Variants in SLC12A8 observed in about 807,000 individuals in gnomAD.
The protein encoded by SLC12A8 is solute carrier family 12 member 8, also known as cation-chloride cotransporter 9.
In SLC12A8, 69 loss-of-function variants were observed where a neutral mutation model predicts 75.6. That is an observed-to-expected ratio of 0.91 (90% CI 0.75 to 1.11). SLC12A8 has a LOEUF of 1.11. Among genes scored for constraint, SLC12A8 ranks in the 50% most tolerant of loss-of-function variants. The pLI is 0.00. For synonymous variants in SLC12A8, 365 were observed against 372.8 expected, an observed-to-expected ratio of 0.98 and a Z score of 0.24; for missense variants, 877 against 896.7, an observed-to-expected ratio of 0.98 and a Z score of 0.28.
intron 4 of SLC12A8, among the ~76,000 whole-genome samples, chr3:125,181,431 C>T (rs1304263727): frequency 1.3e-5 from 2 of 149,180 alleles, no homozygotes; most frequent in Non-Finnish European, 3.0e-5. Flanking sequence ...GAAACCCCGT[C>T]TCTACTAAAA....
At chr3:125,163,295 G>C (rs1934214244) in intron 5 of SLC12A8, among the ~76,000 whole-genome samples, 1 of 151,142 alleles carries the variant, frequency 6.6e-6, no homozygotes, top group South Asian at 2.1e-4. Flanking sequence ...GCAAGACCCT[G>C]TCTCAAAAAC....
chr3:125,147,537 G>C (rs1287870996), intron 5 of SLC12A8, among the ~76,000 whole-genome samples: 1 of 108,538 alleles, frequency 9.2e-6, no homozygotes, highest in East Asian at 4.7e-4. Flanking sequence ...GAATCCTCAA[G>C]GTCAGAGACA....
Position 125,110,206 on chromosome 3 carries a change from C to G in SLC12A8, c.1042G>C (p.Ala348Pro), listed in dbSNP as rs745900612. 9.3e-6 allele frequency: 15 copies of G among 1,613,278 alleles called. No individual in the cohort carries two copies. Among genetic ancestry groups the G allele is most frequent in the Non-Finnish European group, 1.3e-5 (15 of 1,179,538 alleles). ...TTACTCACCCCTTGTCCCAGACAGG[C>G]AAGTGCAGGGATCACTTTCTCCTGG... ...IAQEKVIPAL[A>P]CLGQGKGPNK... is the part of the protein sequence containing the mutation. Residue 348 changes from alanine (A) to proline (P), a missense_variant, in exon 9 of 14, where the codon GCC (alanine) becomes CCC (proline). By Grantham distance (27) the Ala-to-Pro change is conservative. Coordinates refer to ENST00000469902, the MANE Select transcript of SLC12A8 (RefSeq NM_024628.6).
At chr3:125,173,472 A>AC (rs1188327164) in intron 5 of SLC12A8, among the ~76,000 whole-genome samples, 1 of 151,414 alleles carries the variant, frequency 6.6e-6, no homozygotes, top group Admixed American at 6.6e-5. Context: ...AAAAAAAAAA[A>AC]AAACCAAAAT....
chr3:125,135,562 T>G (rs1204974822), intron 6 of SLC12A8, 107 bp downstream of exon 6: 4 of 583,086 alleles, frequency 6.9e-6, no homozygotes, highest in Non-Finnish European at 1.2e-5. Flanking sequence ...TATCTAAAGT[T>G]GGATATACAT....
intron 5 of SLC12A8, among the ~76,000 whole-genome samples, chr3:125,150,286 A>T (rs1933887230): frequency 6.6e-6 from 1 of 152,128 alleles, no homozygotes; most frequent in Non-Finnish European, 1.5e-5. Flanking sequence ...GGGCCTAAGC[A>T]CCTTCTCCTG....
intron 2 of SLC12A8, among the ~76,000 whole-genome samples, chr3:125,192,231 C>T (rs1450068922): frequency 6.6e-6 from 1 of 152,100 alleles, no homozygotes; most frequent in Non-Finnish European, 1.5e-5. Flanking sequence ...GAGCTCTCTG[C>T]TCTGCTCCTC....
At chr3:125,133,896 A>C (rs1933424054) in intron 6 of SLC12A8, among the ~76,000 whole-genome samples, 1 of 151,924 alleles carries the variant, frequency 6.6e-6, no homozygotes, top group Admixed American at 6.6e-5. Flanking sequence ...TCATCCCCCC[A>C]AAGTTTCCTT....
intron 13 of SLC12A8, 37 bp from the exon 14 acceptor site, chr3:125,084,089 C>A: frequency 1.3e-6 from 2 of 1,580,490 alleles, no homozygotes; most frequent in Non-Finnish European, 1.7e-6. Context: ...GTGAGAAGGA[C>A]AGAACAGAGA....
At chr3:125,134,193 C>T (rs1933433334) in intron 6 of SLC12A8, among the ~76,000 whole-genome samples, 1 of 152,046 alleles carries the variant, frequency 6.6e-6, no homozygotes, top group African/African-American at 2.4e-5. Context: ...CCTCTGCCTC[C>T]CAGGTTCAAG....
At chr3:125,159,339 TC>T (rs1934113988) in intron 5 of SLC12A8, among the ~76,000 whole-genome samples, 1 of 151,886 alleles carries the variant, frequency 6.6e-6, no homozygotes, top group Non-Finnish European at 1.5e-5. Context: ...CAAGCAATCC[TC>T]CCCCCTTGGT....
intron 6 of SLC12A8, among the ~76,000 whole-genome samples, chr3:125,122,673 C>T (rs1037341161): frequency 6.6e-6 from 1 of 152,212 alleles, no homozygotes; most frequent in Non-Finnish European, 1.5e-5. Context: ...CAAGAATCAA[C>T]AGCACTCACA....
intron 13 of SLC12A8, chr3:125,087,974 G>T (rs1938501498): frequency 8.2e-6 from 2 of 244,856 alleles, no homozygotes; most frequent in Non-Finnish European, 1.6e-5. Flanking sequence ...GTGTGATTAT[G>T]CATTGATGTG....
intron 6 of SLC12A8, among the ~76,000 whole-genome samples, chr3:125,131,897 C>T (rs755130075): frequency 6.6e-6 from 1 of 152,114 alleles, no homozygotes; most frequent in Non-Finnish European, 1.5e-5. Flanking sequence ...GAACCCCCAC[C>T]CCGCCAACTC....
chr3:125,153,860 G>A (rs1933989313), intron 5 of SLC12A8, among the ~76,000 whole-genome samples: 1 of 152,138 alleles, frequency 6.6e-6, no homozygotes, highest in Non-Finnish European at 1.5e-5. Context: ...GCTATTATTG[G>A]CCTTGAGCTC....
chr3:125,168,821 T>C (rs1934346603), intron 5 of SLC12A8, among the ~76,000 whole-genome samples: 1 of 152,190 alleles, frequency 6.6e-6, no homozygotes, highest in Non-Finnish European at 1.5e-5. Flanking sequence ...AGGAGTGACC[T>C]TGTCCTCACA....
At chr3:125,134,822 C>CATAT (rs1298601999) in intron 6 of SLC12A8, among the ~76,000 whole-genome samples, 1 of 152,078 alleles carries the variant, frequency 6.6e-6, no homozygotes, top group African/African-American at 2.4e-5. Flanking sequence ...AGGAAATGGC[C>CATAT]ATATGTAGGA....
At chr3:125,147,615 G>T (rs1214767142) in intron 5 of SLC12A8, among the ~76,000 whole-genome samples, 1 of 152,152 alleles carries the variant, frequency 6.6e-6, no homozygotes, top group East Asian at 1.9e-4. Context: ...TGCTGGATGA[G>T]TCCAGTGACC....
intron 4 of SLC12A8, among the ~76,000 whole-genome samples, chr3:125,184,174 T>C (rs1934725391): frequency 6.6e-6 from 1 of 152,068 alleles, no homozygotes; most frequent in African/African-American, 2.4e-5. Context: ...TTTCACTATG[T>C]TGGTCAAGCT....
Sources: gnomAD v4.1 joint callset for allele counts (sites outside exome capture counted in the v4.1 genomes callset) on GRCh38, gnomAD v4.1.1 for gene constraint, MANE v1.5 for transcripts, NCBI Gene and HGNC (gene_info 2026-07-23, HGNC 2026-07-21) for gene names.